NPAT: variants seen among roughly 807,000 people sequenced by gnomAD.
NPAT encodes the protein nuclear protein, coactivator of histone transcription.
Under a neutral mutation model 130.7 loss-of-function variants are expected in NPAT, and 52 were observed. That is an observed-to-expected ratio of 0.40 (90% CI 0.32 to 0.50). NPAT has a LOEUF of 0.50. Among genes scored for constraint, NPAT ranks in the 20% least tolerant of loss-of-function variants. The pLI, the probability that NPAT is intolerant of heterozygous loss-of-function variation, is 0.68. For synonymous variants in NPAT, 580 were observed against 584.8 expected (o/e 0.99, Z 0.12); for missense variants, 1,687 against 1,662.6 (o/e 1.01, Z -0.26).
chr11:108,192,492 C>A (rs1329007257), intron 3 of NPAT, among the ~76,000 whole-genome samples: 2 of 151,984 alleles, frequency 1.3e-5, no homozygotes, highest in African/African-American at 2.4e-5. Flanking sequence ...ATTTTTTGAT[C>A]TTTGTTCTAT....
chr11:108,173,280 C>T lies in NPAT; in HGVS notation c.1704G>A (p.Lys568=), dbSNP rs760278212. Residue 568 remains lysine (K), a synonymous_variant, in exon 13 of 18, where the codon AAG becomes AAA. Coordinates refer to ENST00000278612, the MANE Select transcript of NPAT (RefSeq NM_002519.3). Reference sequence around the variant, plus strand: ...TGTGAACTTCACTAGAATCTGATGACTTGGAACCATGAAAATTAATTTTAA... The same window carrying T: ...TGTGAACTTCACTAGAATCTGATGATTTGGAACCATGAAAATTAATTTTAA... ...VKLKINFHGS[K]SSDSSEVHKS... 5.6e-6 allele frequency: 9 copies of T among 1,611,904 alleles called. No homozygotes were observed. The South Asian group carries it at 7.7e-5, about 14-fold the overall frequency.
chr11:108,194,572 G>A (rs1377397585), intron 2 of NPAT, among the ~76,000 whole-genome samples: 1 of 152,206 alleles, frequency 6.6e-6, no homozygotes, highest in African/African-American at 2.4e-5. Flanking sequence ...CTATTGCTGA[G>A]TAGTGGAGTA....
At chr11:108,198,971 G>A (rs916507695) in intron 1 of NPAT, among the ~76,000 whole-genome samples, 7 of 152,202 alleles carry the variant, frequency 4.6e-5, no homozygotes, top group African/African-American at 1.2e-4. Flanking sequence ...TCAGCCCTCC[G>A]CTGGCACTGG....
At chr11:108,193,496 T>G (rs981472595) in intron 3 of NPAT, among the ~76,000 whole-genome samples, 4 of 152,046 alleles carry the variant, frequency 2.6e-5, no homozygotes, top group Non-Finnish European at 5.9e-5. Context: ...GAGGCCGAGG[T>G]GGGTGGATCA....
At chr11:108,191,110 C>G (rs767037029) in intron 4 of NPAT, among the ~76,000 whole-genome samples, 1 of 152,068 alleles carries the variant, frequency 6.6e-6, no homozygotes, top group South Asian at 2.1e-4. Context: ...AGAAACTCTA[C>G]ATATTAACAT....
intron 1 of NPAT, among the ~76,000 whole-genome samples, chr11:108,201,053 G>A (rs1183406310): frequency 6.6e-6 from 1 of 152,178 alleles, no homozygotes; most frequent in East Asian, 1.9e-4. Context: ...ATATGTAGAT[G>A]ACATTCTCCT....
At chr11:108,202,425 T>A (rs887147664) in intron 1 of NPAT, among the ~76,000 whole-genome samples, 1 of 152,084 alleles carries the variant, frequency 6.6e-6, no homozygotes, top group African/African-American at 2.4e-5. Context: ...AAAACCTCAA[T>A]ATTCTCCTGT....
chr11:108,192,204 GAA>G lies in NPAT; in HGVS notation c.218-16_218-15del, dbSNP rs1380600367. 1.3e-6 allele frequency: 2 copies of G among 1,551,826 alleles called. No homozygotes were observed. The highest frequency in any genetic ancestry group is 1.8e-6 in the Non-Finnish European group (2 of 1,123,758). ...TATTTGATGTTTCTAAATCATAGGA[GAA>G]AAGGTTCTTAATAAACCCAGCTGAA... On this transcript the variant is annotated splice_polypyrimidine_tract_variant and intron_variant, in intron 3 of 17. Transcript: ENST00000278612.
At chr11:108,176,513 T>TA (rs2078007755) in intron 11 of NPAT, 139 bp from the exon 12 acceptor site, 1 of 675,544 alleles carries the variant, frequency 1.5e-6, no homozygotes, top group Non-Finnish European at 2.5e-6. Context: ...TTGCTTTTAA[T>TA]ATCATTTACA....
chr11:108,214,052 C>G (rs2078409340), intron 1 of NPAT, among the ~76,000 whole-genome samples: 1 of 152,060 alleles, frequency 6.6e-6, no homozygotes, highest in Non-Finnish European at 1.5e-5. Context: ...CAAATAAATG[C>G]CCAGCTAATT....
intron 1 of NPAT, among the ~76,000 whole-genome samples, chr11:108,219,220 C>T (rs976256385): frequency 6.6e-6 from 1 of 152,150 alleles, no homozygotes; most frequent in Non-Finnish European, 1.5e-5. Flanking sequence ...ATATTTTTCC[C>T]CCATTCCCTT....
chr11:108,167,138 TC>T (rs2077908974), intron 15 of NPAT, among the ~76,000 whole-genome samples: 1 of 152,220 alleles, frequency 6.6e-6, no homozygotes, highest in Non-Finnish European at 1.5e-5. Flanking sequence ...TTCTATTAAC[TC>T]CCTGTGGCTT....
At chr11:108,214,246 T>C (rs1005831848) in intron 1 of NPAT, among the ~76,000 whole-genome samples, 1 of 152,180 alleles carries the variant, frequency 6.6e-6, no homozygotes, top group South Asian at 2.1e-4. Flanking sequence ...AAATATGGCA[T>C]ATTCATATAA....
intron 1 of NPAT, 105 bp from the exon 2 acceptor site, chr11:108,197,525 T>G: frequency 1.3e-6 from 1 of 793,042 alleles, no homozygotes. Flanking sequence ...AATTGAAACC[T>G]TAGGTGGAAT....
chr11:108,188,026 G>A (rs2078124614), intron 7 of NPAT, 72 bp downstream of exon 7: 3 of 1,013,906 alleles, frequency 3.0e-6, no homozygotes, highest in Non-Finnish European at 4.7e-6. Context: ...CACAATGTAA[G>A]TATCCTGATG....
chr11:108,171,995 A>G, intron 13 of NPAT: 2 of 575,668 alleles, frequency 3.5e-6, no homozygotes, highest in East Asian at 2.8e-5. Context: ...AAAAACCACT[A>G]AAGCCCATAG....
chr11:108,180,883 C>T (rs957427288), intron 10 of NPAT, among the ~76,000 whole-genome samples: 8 of 152,190 alleles, frequency 5.3e-5, no homozygotes, highest in African/African-American at 1.7e-4. Context: ...GAAATCCCAT[C>T]ACAGGCCATG....
intron 15 of NPAT, among the ~76,000 whole-genome samples, chr11:108,167,290 C>A (rs919679317): frequency 6.6e-6 from 1 of 152,206 alleles, no homozygotes; most frequent in Non-Finnish European, 1.5e-5. Flanking sequence ...GGCTTACTTA[C>A]AGCCTCAACC....
chr11:108,163,807 A>G (rs2077875662), intron 15 of NPAT, among the ~76,000 whole-genome samples: 1 of 151,980 alleles, frequency 6.6e-6, no homozygotes, highest in African/African-American at 2.4e-5. Context: ...TTAGGAGGCC[A>G]CTGGTGACTC....
Sources: gnomAD v4.1 joint callset for allele counts (sites outside exome capture counted in the v4.1 genomes callset) on GRCh38, gnomAD v4.1.1 for gene constraint, MANE v1.5 for transcripts, NCBI Gene and HGNC (gene_info 2026-07-23, HGNC 2026-07-21) for gene names.